PRKCE: variants seen among roughly 807,000 people sequenced by gnomAD.
The protein encoded by PRKCE is protein kinase C epsilon type.
In PRKCE, 16 loss-of-function variants were observed where a neutral mutation model predicts 85.4. The observed-to-expected ratio is 0.19, with a 90% CI of 0.13 to 0.28. The LOEUF (loss-of-function observed/expected upper bound fraction) is 0.28, where lower values mean the gene tolerates loss of function less well. Among genes scored for constraint, PRKCE ranks in the 10% least tolerant of loss-of-function variants. PRKCE has a pLI of 1.00. For synonymous variants in PRKCE, 388 were observed against 371.5 expected (o/e 1.04, Z -0.51); for missense variants, 573 against 975.2 (o/e 0.59, Z 5.49).
At chr2:46,111,245 G>T (rs974807961) in intron 11 of PRKCE, among the ~76,000 whole-genome samples, 1 of 152,074 alleles carries the variant, frequency 6.6e-6, no homozygotes, top group African/African-American at 2.4e-5. Context: ...TATCCTTATT[G>T]ATTTTCTGCC....
At chr2:45,835,604 T>G (rs945237680) in intron 1 of PRKCE, among the ~76,000 whole-genome samples, 10 of 152,146 alleles carry the variant, frequency 6.6e-5, no homozygotes, top group South Asian at 4.2e-4. Flanking sequence ...TTTGTTTTTT[T>G]TTTTTTTTTT....
rs888611019 is a variant in PRKCE at position 45,941,083 on chromosome 2, A to G, written c.413-35346A>G. On this transcript the variant is annotated intron_variant, in intron 2 of 14. Coordinates refer to ENST00000306156, the MANE Select transcript of PRKCE (RefSeq NM_005400.3). ...TTCATCCTAAAAAAAAAAAAAAAAAAAAAAGATGATAGGCACCTATTCCCT... is the reference window on the plus strand; with the variant it reads ...TTCATCCTAAAAAAAAAAAAAAAAAGAAAAGATGATAGGCACCTATTCCCT... 9.5e-4 allele frequency among the ~76,000 whole-genome samples: 143 copies of G among 150,702 alleles called. 1 individual carries two copies. Among genetic ancestry groups the G allele is most frequent in the African/African-American group, 3.2e-3 (130 of 41,128 alleles).
Position 45,874,767 on chromosome 2 carries a change from TTGCTTCC to T in PRKCE, c.412+31717_412+31723del, listed in dbSNP as rs1670399958. ...AGCCCACTGTTTCCAGAGAGGATTC[TTGCTTCC>T]TGCTTCCTGCTTGCTGCTGGCACTT... On this transcript the variant is annotated intron_variant, in intron 2 of 14. Coordinates refer to ENST00000306156, the MANE Select transcript of PRKCE (RefSeq NM_005400.3). Among the ~76,000 whole-genome samples, 2 of 152,236 alleles carry T rather than the reference TTGCTTCC, an allele frequency of 1.3e-5. 1 individual carries two copies. The highest frequency in any genetic ancestry group is 4.8e-5 in the African/African-American group (2 of 41,468).
intron 2 of PRKCE, among the ~76,000 whole-genome samples, chr2:45,915,337 G>A (rs1332650279): frequency 1.3e-5 from 2 of 152,146 alleles, no homozygotes; most frequent in African/African-American, 4.8e-5. Context: ...ATAGATTTAA[G>A]TATTTAATGC....
chr2:45,756,477 A>G (rs1022157720), intron 1 of PRKCE, among the ~76,000 whole-genome samples: 7 of 152,232 alleles, frequency 4.6e-5, no homozygotes, highest in African/African-American at 1.7e-4. Flanking sequence ...TGATCCAGCC[A>G]TTTCACTCTA....
chr2:45,711,392 T>C (rs574099400), intron 1 of PRKCE, among the ~76,000 whole-genome samples: 21 of 152,328 alleles, frequency 1.4e-4, no homozygotes, highest in African/African-American at 5.1e-4. Flanking sequence ...CTGCTACCTA[T>C]GACCTGGGTG....
In PRKCE at chr2:46,184,603, C is replaced by T. The variant is rs1342236189; in HGVS notation, c.2068-132C>T. On this transcript the variant is annotated intron_variant, in intron 14 of 14. Coordinates refer to ENST00000306156, the MANE Select transcript of PRKCE (RefSeq NM_005400.3). This position sits in a 1 kb window ranked among gnomAD's most constrained non-coding sequence, Gnocchi z 5.0. ...CATCGTTACCTCATCGGGACAGCCC[C>T]GTGTCTGCTGTCTGTTGGTAGCTAG... 37 of 1,151,448 alleles carry T rather than the reference C, an allele frequency of 3.2e-5. No homozygotes were observed. Among genetic ancestry groups the T allele is most frequent in the South Asian group, 3.1e-4 (21 of 67,748 alleles). 71.3% of individuals were successfully genotyped at this position (1,151,448 alleles called of 1,614,324 possible).
At chr2:46,039,674 C>A (rs1026355663) in intron 10 of PRKCE, among the ~76,000 whole-genome samples, 1 of 152,120 alleles carries the variant, frequency 6.6e-6, no homozygotes, top group African/African-American at 2.4e-5. Context: ...TTCCAGAAGC[C>A]TACTCTGGCT....
intron 12 of PRKCE, among the ~76,000 whole-genome samples, chr2:46,147,669 C>T (rs1676210532): frequency 6.6e-6 from 1 of 152,190 alleles, no homozygotes; most frequent in Non-Finnish European, 1.5e-5. Flanking sequence ...CTGCCTTCAT[C>T]GAGGGCTACT....
At chr2:46,002,226 C>G (rs910465904) in intron 7 of PRKCE, among the ~76,000 whole-genome samples, 1 of 152,208 alleles carries the variant, frequency 6.6e-6, no homozygotes, top group Non-Finnish European at 1.5e-5. Flanking sequence ...GCCCTGGCTC[C>G]TAGCCTAGAA....
intron 2 of PRKCE, among the ~76,000 whole-genome samples, chr2:45,896,232 C>G (rs1696131601): frequency 6.6e-6 from 1 of 152,156 alleles, no homozygotes; most frequent in Non-Finnish European, 1.5e-5. Flanking sequence ...AAGGCATGGA[C>G]TCTTTGCTAA....
intron 10 of PRKCE, among the ~76,000 whole-genome samples, chr2:46,020,426 C>T (rs1195010726): frequency 6.6e-6 from 1 of 151,748 alleles, no homozygotes; most frequent in Non-Finnish European, 1.5e-5. Flanking sequence ...TTTTTTTTAA[C>T]CTACCCATAT....
At chr2:45,763,541 C>G (rs1684682226) in intron 1 of PRKCE, among the ~76,000 whole-genome samples, 1 of 152,088 alleles carries the variant, frequency 6.6e-6, no homozygotes, top group Admixed American at 6.6e-5. Flanking sequence ...TCCAAAGGAC[C>G]TCAGCCCTCA....
At position 45,838,512 on chromosome 2, in the gene PRKCE, C is replaced by T. The variant is rs189681772; in HGVS notation, c.349-4488C>T. ...TTCTTTCATGAGTACCACACGTCCT[C>T]CCGATGCCCCCGAATACCCTGGGTA... is the stretch of plus-strand genomic sequence containing the variant. On this transcript the variant is annotated intron_variant, in intron 1 of 14. Coordinates refer to ENST00000306156, the MANE Select transcript of PRKCE (RefSeq NM_005400.3). Among the ~76,000 whole-genome samples, 8 of 152,318 alleles carry T rather than the reference C, an allele frequency of 5.3e-5. No homozygotes were observed. The East Asian group carries it at 1.5e-3, about 29-fold the overall frequency.
Position 45,902,514 on chromosome 2 carries a change from T to C in PRKCE, c.412+59451T>C, listed in dbSNP as rs571192767. Reference sequence around the variant, plus strand: ...AAAAGTCAAATCAGGATATTTGGATTAACATCCTGAGGACATGGGATGTGT... The same window carrying C: ...AAAAGTCAAATCAGGATATTTGGATCAACATCCTGAGGACATGGGATGTGT... On this transcript the variant is annotated intron_variant, in intron 2 of 14. Transcript: ENST00000306156. Among the ~76,000 whole-genome samples, 16 of 152,260 alleles carry C rather than the reference T, an allele frequency of 1.1e-4. No homozygotes were observed. In the South Asian group the frequency reaches 3.3e-3, roughly 32 times the overall value.
chr2:46,062,861 T>C (rs1013671078), intron 10 of PRKCE, among the ~76,000 whole-genome samples: 1 of 152,132 alleles, frequency 6.6e-6, no homozygotes, highest in African/African-American at 2.4e-5. Context: ...ACTCCTGGGC[T>C]CAAGTGATCC....
chr2:45,983,386 C>A (rs1200035947), intron 5 of PRKCE, among the ~76,000 whole-genome samples: 1 of 152,152 alleles, frequency 6.6e-6, no homozygotes, highest in African/African-American at 2.4e-5. Flanking sequence ...AGAGTGATCT[C>A]CCCAGCCCAT....
At position 45,905,843 on chromosome 2, in the gene PRKCE, G is replaced by A. The variant is rs1016473753; in HGVS notation, c.412+62780G>A. Among the ~76,000 whole-genome samples the A allele has an allele frequency of 2.0e-5, 3 of 152,244 alleles. No homozygotes were observed. The highest frequency in any genetic ancestry group is 2.9e-5 in the Non-Finnish European group (2 of 68,048). On this transcript the variant is annotated intron_variant, in intron 2 of 14. Coordinates refer to ENST00000306156, the MANE Select transcript of PRKCE (RefSeq NM_005400.3). The surrounding 1 kb of genome is among the most constrained non-coding windows in gnomAD (Gnocchi z 4.4). Reference sequence around the variant, plus strand: ...TCAGTTACAAATTGGGTGAGATGTGGCTCCCACAGTGGGAATAATTTCCTT... The same window carrying A: ...TCAGTTACAAATTGGGTGAGATGTGACTCCCACAGTGGGAATAATTTCCTT...
At chr2:46,136,960 T>A (rs932186902) in intron 11 of PRKCE, among the ~76,000 whole-genome samples, 18 of 152,210 alleles carry the variant, frequency 1.2e-4, no homozygotes, top group African/African-American at 4.1e-4. Flanking sequence ...TTTATACACA[T>A]AAAAGACCTT....
Sources: allele counts gnomAD v4.1 joint callset (sites outside exome capture counted in the v4.1 genomes callset), GRCh38; gene constraint gnomAD v4.1.1; non-coding constraint Gnocchi (gnomAD v3.1); transcripts MANE v1.5; gene names NCBI Gene and HGNC (gene_info 2026-07-23, HGNC 2026-07-21).